Variants in VRK1 observed in about 807,000 individuals in gnomAD.
VRK1 encodes VRK serine/threonine kinase 1, also known as serine/threonine-protein kinase VRK1.
In VRK1, 33 loss-of-function variants were observed where a neutral mutation model predicts 57.1. The observed-to-expected ratio is 0.58, with a 90% CI of 0.44 to 0.77. The LOEUF is 0.77. Ranked by LOEUF, VRK1 falls within the 30% of genes least tolerant of loss-of-function variation. VRK1 has a pLI of 0.00. For synonymous variants in VRK1, 137 were observed against 147.8 expected (o/e 0.93, Z 0.53); for missense variants, 413 against 477.3 (o/e 0.87, Z 1.25).
chr14:96,870,734 T>C (rs1045566722), intron 11 of VRK1, among the ~76,000 whole-genome samples: 2 of 152,192 alleles, frequency 1.3e-5, no homozygotes, highest in African/African-American at 4.8e-5. Flanking sequence ...GTATGACATT[T>C]TGATGAAAGT....
At chr14:96,837,688 A>G (rs10132650) in intron 2 of VRK1, 74 bp from the exon 3 acceptor site, 2 of 924,148 alleles carry the variant, frequency 2.2e-6, no homozygotes, top group African/African-American at 3.4e-5. Context: ...AGGGTTACAG[A>G]TATACAAACC....
chr14:96,851,517 G>A (rs1887949055), intron 5 of VRK1, among the ~76,000 whole-genome samples: 1 of 152,138 alleles, frequency 6.6e-6, no homozygotes, highest in Non-Finnish European at 1.5e-5. Context: ...ATTAAAAGAT[G>A]TTTAGACAAG....
In VRK1 at chr14:96,875,886, T is replaced by G; in HGVS notation, c.1069-144T>G. On this transcript the variant is annotated intron_variant, in intron 11 of 12. Transcript: ENST00000216639. ...CCATTCCTTTAGGTAACTACTATCC[T>G]GAAGTTGAGAATATTCTTCCTGTGT... The G allele has an allele frequency of 3.5e-6, 3 of 856,150 alleles. No homozygotes were observed. In the South Asian group the frequency reaches 4.3e-5, roughly 12 times the overall value. The allele number at this position is 856,150 out of a possible 1,614,324, so 53.0% of individuals were successfully genotyped here.
At chr14:96,851,140 A>ATT (rs771195713) in intron 5 of VRK1, among the ~76,000 whole-genome samples, 1 of 145,678 alleles carries the variant, frequency 6.9e-6, no homozygotes, top group Non-Finnish European at 1.5e-5. Context: ...TTTGTCACAA[A>ATT]TTTTTTTTTT....
At chr14:96,819,134 G>A (rs1373999982) in intron 1 of VRK1, among the ~76,000 whole-genome samples, 1 of 152,184 alleles carries the variant, frequency 6.6e-6, no homozygotes, top group East Asian at 1.9e-4. Flanking sequence ...TTGGCAGGAG[G>A]CCAGTTATAC....
chr14:96,809,624 G>C (rs1450642695), intron 1 of VRK1, among the ~76,000 whole-genome samples: 1 of 149,042 alleles, frequency 6.7e-6, no homozygotes, highest in Non-Finnish European at 1.5e-5. Context: ...CCAGGCTGGA[G>C]TGCAGTGGTA....
At chr14:96,863,031 A>G (rs886478931) in intron 11 of VRK1, among the ~76,000 whole-genome samples, 3 of 152,146 alleles carry the variant, frequency 2.0e-5, no homozygotes, top group Admixed American at 6.5e-5. Context: ...TTTCTTGTCT[A>G]TGTTTTTGCA....
chr14:96,856,791 G>T (rs1888174682), intron 10 of VRK1, among the ~76,000 whole-genome samples: 1 of 152,056 alleles, frequency 6.6e-6, no homozygotes, highest in African/African-American at 2.4e-5. Context: ...ACATGGTGAA[G>T]CCTCATCTCT....
chr14:96,820,922 C>T (rs773635114), intron 1 of VRK1, among the ~76,000 whole-genome samples: 1 of 152,138 alleles, frequency 6.6e-6, no homozygotes, highest in African/African-American at 2.4e-5. Context: ...TTTCATAGCT[C>T]TTGATATCTT....
chr14:96,798,189 G>A (rs1168370969), intron 1 of VRK1, among the ~76,000 whole-genome samples: 1 of 152,176 alleles, frequency 6.6e-6, no homozygotes, highest in Admixed American at 6.5e-5. Flanking sequence ...TTTCATAACC[G>A]TTTGACAGTT....
intron 7 of VRK1, 81 bp from the exon 8 acceptor site, chr14:96,855,143 A>G: frequency 6.2e-7 from 1 of 1,606,342 alleles, no homozygotes; most frequent in Non-Finnish European, 8.5e-7. Flanking sequence ...TTCAGATGCC[A>G]GTATTTTGTT....
chr14:96,814,908 C>T (rs12894621), intron 1 of VRK1, among the ~76,000 whole-genome samples: 66,088 of 151,926 alleles, frequency 0.44, 14,735 homozygotes, highest in South Asian at 0.6. Flanking sequence ...AAAGTAATTG[C>T]GGTCCAACCT....
chr14:96,814,893 G>T (rs1385106937), intron 1 of VRK1, among the ~76,000 whole-genome samples: 2 of 151,994 alleles, frequency 1.3e-5, no homozygotes, highest in Admixed American at 1.3e-4. Context: ...TATTATGTTG[G>T]TGCAAAAGTA....
intron 1 of VRK1, among the ~76,000 whole-genome samples, chr14:96,823,796 G>A (rs993928492): frequency 6.6e-6 from 1 of 152,094 alleles, no homozygotes; most frequent in African/African-American, 2.4e-5. Context: ...CCAGCCTCTG[G>A]CTTATTTCAC....
rs562081641 is a variant in VRK1, at chr14:96,881,285, A to T, written c.*77A>T. The T allele has an allele frequency of 2.8e-5, 39 of 1,371,620 alleles. No individual in the cohort carries two copies. In the African/African-American group the frequency reaches 4.6e-4, roughly 16 times the overall value. The allele number at this position is 1,371,620 out of a possible 1,614,324, so 85.0% of individuals were successfully genotyped here. Reference sequence around the variant, plus strand: ...TCTCCTTTTCTATTTGAACTGTTTTATTTTCCTGTGAGTCTTGCGAGGTGG... The same window carrying T: ...TCTCCTTTTCTATTTGAACTGTTTTTTTTTCCTGTGAGTCTTGCGAGGTGG... On this transcript the variant is annotated 3_prime_UTR_variant, in exon 13 of 13. Coordinates refer to ENST00000216639, the MANE Select transcript of VRK1 (RefSeq NM_003384.3).
At chr14:96,850,671 C>CA (rs1337191422) in intron 5 of VRK1, among the ~76,000 whole-genome samples, 2 of 152,168 alleles carry the variant, frequency 1.3e-5, no homozygotes, top group Non-Finnish European at 1.5e-5. Context: ...AGCCACCTTT[C>CA]AGGCTGTTAC....
intron 1 of VRK1, among the ~76,000 whole-genome samples, chr14:96,809,914 C>T (rs1428720884): frequency 6.6e-6 from 1 of 152,122 alleles, no homozygotes; most frequent in African/African-American, 2.4e-5. Context: ...TGTTTTTCAT[C>T]CTTGTTGTAC....
At chr14:96,868,183 A>G (rs1169357121) in intron 11 of VRK1, among the ~76,000 whole-genome samples, 2 of 152,160 alleles carry the variant, frequency 1.3e-5, no homozygotes, top group African/African-American at 4.8e-5. Context: ...GCCAGGACTC[A>G]CTGCTTCTCC....
chr14:96,810,962 G>T (rs1013751429), intron 1 of VRK1, among the ~76,000 whole-genome samples: 3 of 151,488 alleles, frequency 2.0e-5, no homozygotes, highest in African/African-American at 4.9e-5. Flanking sequence ...TTTTGAGATG[G>T]AGTGTCACTC....
Sources: allele counts gnomAD v4.1 joint callset (sites outside exome capture counted in the v4.1 genomes callset), GRCh38; gene constraint gnomAD v4.1.1; transcripts MANE v1.5; gene names NCBI Gene and HGNC (gene_info 2026-07-23, HGNC 2026-07-21).